The following ROBO2 variants were observed in gnomAD, a reference collection of about 807,000 sequenced individuals.
ROBO2 encodes the protein roundabout guidance receptor 2.
In ROBO2, 53 loss-of-function variants were observed where a neutral mutation model predicts 160.8. The observed-to-expected ratio is 0.33, with a 90% CI of 0.26 to 0.41. ROBO2 has a LOEUF of 0.41. ROBO2 is among the 10% of genes least tolerant of loss of function. The pLI is 1.00. For synonymous variants in ROBO2, 664 were observed against 611.7 expected, an observed-to-expected ratio of 1.09 and a Z score of -1.26; for missense variants, 1,577 against 1,722.4, an observed-to-expected ratio of 0.92 and a Z score of 1.49.
intron 2 of ROBO2, among the ~76,000 whole-genome samples, chr3:76,140,679 G>A (rs2106752031): frequency 6.6e-6 from 1 of 151,854 alleles, no homozygotes; most frequent in East Asian, 2.0e-4. Context: ...GTTAAAAAGT[G>A]TGTCCAAAGT....
intron 2 of ROBO2, among the ~76,000 whole-genome samples, chr3:76,755,304 C>T (rs1403069949): frequency 1.3e-5 from 2 of 151,770 alleles, no homozygotes; most frequent in Non-Finnish European, 1.5e-5. Context: ...TAAACTCATT[C>T]TATATCTTTG....
intron 2 of ROBO2, among the ~76,000 whole-genome samples, chr3:76,555,132 A>G (rs2083628797): frequency 6.6e-6 from 1 of 152,108 alleles, no homozygotes; most frequent in Non-Finnish European, 1.5e-5. Context: ...GAGGACATTC[A>G]ATTGAAGTAA....
chr3:76,811,761 C>G (rs921214282), intron 2 of ROBO2, among the ~76,000 whole-genome samples: 1 of 151,380 alleles, frequency 6.6e-6, no homozygotes, highest in South Asian at 2.1e-4. Context: ...GCTTAATTAC[C>G]TTTCTCTCTT....
At chr3:77,472,789 T>C (rs1460953482) in intron 2 of ROBO2, among the ~76,000 whole-genome samples, 1 of 152,188 alleles carries the variant, frequency 6.6e-6, no homozygotes, top group African/African-American at 2.4e-5. Flanking sequence ...GGGTACAATG[T>C]ACACCTGTTA....
At chr3:76,393,241 C>A (rs1346738528) in intron 2 of ROBO2, among the ~76,000 whole-genome samples, 1 of 152,080 alleles carries the variant, frequency 6.6e-6, no homozygotes, top group Non-Finnish European at 1.5e-5. Flanking sequence ...TTTTAAGTAA[C>A]CCAGGTGGTT....
rs902378003 is a variant in ROBO2 at position 76,914,891 on chromosome 3, A to G, written c.110-183123A>G. Among the ~76,000 whole-genome samples the G allele has an allele frequency of 1.6e-4, 25 of 152,320 alleles. 2 individuals carry two copies. The highest frequency in any genetic ancestry group is 1.5e-3 in the Admixed American group (23 of 15,290). On this transcript the variant is annotated intron_variant, in intron 2 of 26. Coordinates refer to the ROBO2 transcript ENST00000487694. ...TCTAAGAAGTCAAGAACAGCATCCC[A>G]TTCTTACTGAAAAGAATGTGTTTTG...
intron 2 of ROBO2, among the ~76,000 whole-genome samples, chr3:77,259,515 G>A (rs922551451): frequency 6.6e-6 from 1 of 152,080 alleles, no homozygotes; most frequent in Non-Finnish European, 1.5e-5. Context: ...ACAGCTGAAC[G>A]AAAGTACTAA....
intron 2 of ROBO2, among the ~76,000 whole-genome samples, chr3:76,663,214 G>A (rs1386340973): frequency 6.6e-6 from 1 of 152,120 alleles, no homozygotes; most frequent in African/African-American, 2.4e-5. Flanking sequence ...TTGGGAAACC[G>A]ACTGAGTATT....
chr3:77,621,435 TTAAA>T (rs10695873), intron 22 of ROBO2, among the ~76,000 whole-genome samples: 20 of 150,422 alleles, frequency 1.3e-4, no homozygotes, highest in South Asian at 8.5e-4. Flanking sequence ...CTCCAAAAAA[TTAAA>T]TAAATAAATA....
chr3:76,252,818 T>G (rs1706105847), intron 2 of ROBO2, among the ~76,000 whole-genome samples: 1 of 151,732 alleles, frequency 6.6e-6, no homozygotes, highest in Non-Finnish European at 1.5e-5. Context: ...TGCTTTGTTT[T>G]TTTTTGAAGG....
intron 23 of ROBO2, among the ~76,000 whole-genome samples, chr3:77,627,286 CT>C (rs959952425): frequency 3.0e-4 from 46 of 151,076 alleles, no homozygotes; most frequent in Admixed American, 2.6e-3. Flanking sequence ...TTCTTTCTTT[CT>C]TTTTTTTTCT....
At chr3:76,813,314 C>T (rs1275647128) in intron 2 of ROBO2, among the ~76,000 whole-genome samples, 1 of 152,010 alleles carries the variant, frequency 6.6e-6, no homozygotes, top group African/African-American at 2.4e-5. Context: ...TAATCTGTAG[C>T]TAATATAAAC....
intron 2 of ROBO2, among the ~76,000 whole-genome samples, chr3:76,086,471 A>G (rs1382332308): frequency 5.9e-5 from 9 of 152,058 alleles, no homozygotes; most frequent in Admixed American, 3.9e-4. Flanking sequence ...ATGTCACCCA[A>G]TGGGCAGAGG....
intron 19 of ROBO2, 138 bp from the exon 21 acceptor site, chr3:77,602,072 C>T: frequency 1.2e-6 from 1 of 842,014 alleles, no homozygotes; most frequent in Admixed American, 2.0e-5. Context: ...TATCATCTAC[C>T]CTTCAGTGGC....
At chr3:76,807,230 G>T (rs1192645018) in intron 2 of ROBO2, among the ~76,000 whole-genome samples, 1 of 152,010 alleles carries the variant, frequency 6.6e-6, no homozygotes, top group Non-Finnish European at 1.5e-5. Flanking sequence ...TTTTCAGCAT[G>T]TCAGTAGTGG....
chr3:77,425,194 A>G (rs2078068892), intron 2 of ROBO2, among the ~76,000 whole-genome samples: 1 of 144,316 alleles, frequency 6.9e-6, no homozygotes, highest in South Asian at 2.3e-4. Flanking sequence ...TGCAATGGCA[A>G]GAAAAAAAAA....
chr3:77,295,718 A>C (rs2062003425), intron 2 of ROBO2, among the ~76,000 whole-genome samples: 1 of 151,530 alleles, frequency 6.6e-6, no homozygotes, highest in African/African-American at 2.4e-5. Flanking sequence ...TAAAGACATA[A>C]AGTGAAATTG....
chr3:76,948,891 TATATATATATATATATA>T (rs1559749681), intron 2 of ROBO2, among the ~76,000 whole-genome samples: 5 of 25,900 alleles, frequency 1.9e-4, no homozygotes, highest in African/African-American at 6.1e-4. Flanking sequence ...TATATATATA[TATATATATATATATATA>T]TTTTTTTTTT....
chr3:76,149,255 G>A (rs2072048735), intron 2 of ROBO2, among the ~76,000 whole-genome samples: 1 of 152,050 alleles, frequency 6.6e-6, no homozygotes, highest in African/African-American at 2.4e-5. Flanking sequence ...TTCTAAGAAG[G>A]GGTAGTCCTT....
Sources: allele counts gnomAD v4.1 joint callset (sites outside exome capture counted in the v4.1 genomes callset), GRCh38; gene constraint gnomAD v4.1.1; transcripts MANE v1.5; gene names NCBI Gene and HGNC (gene_info 2026-07-23, HGNC 2026-07-21).